The following MMP15 variants were observed in gnomAD, a reference collection of about 807,000 sequenced individuals.
The protein encoded by MMP15 is matrix metallopeptidase 15.
In MMP15, 36 loss-of-function variants were observed where a neutral mutation model predicts 65.0. That is an observed-to-expected ratio of 0.55 (90% CI 0.42 to 0.73). The LOEUF (loss-of-function observed/expected upper bound fraction) is 0.73, where lower values mean the gene tolerates loss of function less well. MMP15 is among the 30% of genes least tolerant of loss of function. The pLI, the probability that MMP15 is intolerant of heterozygous loss-of-function variation, is 0.00. For synonymous variants in MMP15, 428 were observed against 410.2 expected (o/e 1.04, Z -0.52); for missense variants, 870 against 987.8 (o/e 0.88, Z 1.60).
chr16:58,029,104 C>T (rs1597061365), intron 1 of MMP15, among the ~76,000 whole-genome samples: 1 of 152,348 alleles, frequency 6.6e-6, no homozygotes, highest in South Asian at 2.1e-4. Context: ...GTGCCACCAC[C>T]ACCAAAACCG....
Position 58,041,684 on chromosome 16 carries a change from G to T in MMP15, c.978G>T (p.Arg326=). The T allele has an allele frequency of 1.9e-6, 3 of 1,579,134 alleles. No homozygotes were observed. The highest frequency in any genetic ancestry group is 2.6e-6 in the Non-Finnish European group (3 of 1,162,926). Residue 326 remains arginine, a synonymous_variant, in exon 6 of 10, where the codon CGG becomes CGT. Transcript: ENST00000219271. ...LPTVTPRRPG[R]PDHRPPRPPQ... ...CTGTGACGCCACGGCGGCCAGGCCG[G>T]CCTGACCACCGGCCGCCCCGGCCTC... is the stretch of plus-strand genomic sequence containing the variant.
At chr16:58,031,473 G>C (rs953585105) in intron 1 of MMP15, among the ~76,000 whole-genome samples, 2 of 152,170 alleles carry the variant, frequency 1.3e-5, no homozygotes, top group Non-Finnish European at 2.9e-5. Flanking sequence ...CACCTGCAGG[G>C]AGGTTTCCAG....
At chr16:58,029,409 T>C (rs1450319357) in intron 1 of MMP15, among the ~76,000 whole-genome samples, 3 of 152,218 alleles carry the variant, frequency 2.0e-5, no homozygotes, top group Non-Finnish European at 4.4e-5. Flanking sequence ...GCCTTGTCAT[T>C]GGGAATCTGC....
intron 2 of MMP15, 51 bp from the exon 3 acceptor site, chr16:58,038,215 A>G (rs1045428517): frequency 2.5e-6 from 4 of 1,599,738 alleles, no homozygotes; most frequent in Non-Finnish European, 3.4e-6. Flanking sequence ...CAGAACAGGC[A>G]GGTGTGTGGA....
chr16:58,035,283 A>G (rs1192857210), intron 1 of MMP15, among the ~76,000 whole-genome samples: 1 of 152,204 alleles, frequency 6.6e-6, no homozygotes, highest in East Asian at 1.9e-4. Flanking sequence ...CCAGTATCTT[A>G]TTGAGCTGTG....
chr16:58,033,072 C>T (rs1483659693), intron 1 of MMP15, among the ~76,000 whole-genome samples: 1 of 152,222 alleles, frequency 6.6e-6, no homozygotes, highest in Non-Finnish European at 1.5e-5. Context: ...CCCACTCCCC[C>T]ACCGTGGCGG....
At chr16:58,030,582 C>T (rs1043202552) in intron 1 of MMP15, among the ~76,000 whole-genome samples, 13 of 152,202 alleles carry the variant, frequency 8.5e-5, no homozygotes, top group African/African-American at 2.4e-4. Context: ...CTGCTGCCAT[C>T]GGCCGATGGT....
intron 1 of MMP15, among the ~76,000 whole-genome samples, chr16:58,028,554 G>A (rs41446445): frequency 6.6e-6 from 1 of 152,298 alleles, no homozygotes; most frequent in Non-Finnish European, 1.5e-5. Flanking sequence ...GGGGGCTGTG[G>A]CCTCAGACTC....
chr16:58,040,306 A>C lies in MMP15; in HGVS notation c.748+124A>C, dbSNP rs2304488. 4 of 1,092,990 alleles carry C rather than the reference A, an allele frequency of 3.7e-6. No homozygotes were observed. In the African/African-American group the frequency reaches 4.7e-5, roughly 13 times the overall value. The allele number at this position is 1,092,990 out of a possible 1,614,324, so 67.7% of individuals were successfully genotyped here. ...AGAGAGTTCCCCTGTGTTTGTCTCC[A>C]GATCACTACACTCAATTTCAGTCTG... On this transcript the variant is annotated intron_variant, in intron 4 of 9. Transcript: ENST00000219271.
chr16:58,028,627 C>T (rs1213580643), intron 1 of MMP15, among the ~76,000 whole-genome samples: 1 of 152,194 alleles, frequency 6.6e-6, no homozygotes, highest in African/African-American at 2.4e-5. Flanking sequence ...CTCTCTCATC[C>T]TCACCCCAGC....
At chr16:58,039,849 C>G in intron 3 of MMP15, 26 bp from the exon 4 acceptor site, 1 of 1,572,286 alleles carries the variant, frequency 6.4e-7, no homozygotes, top group African/African-American at 1.3e-5. Flanking sequence ...CCTGCATCCG[C>G]TCACTCATCT....
Position 58,045,329 on chromosome 16 carries a change from G to A in MMP15, c.1893G>A (p.Val631=), listed in dbSNP as rs770865611. ...CGGTGAACGTGGTGATGGTGCTGGT[G>A]CCACTGCTGCTGCTGCTCTGCGTCC... ...ARTVNVVMVL[V]PLLLLLCVLG... The change falls in exon 10 of 10, where the codon GTG becomes GTA. Residue 631 remains valine (V), a synonymous_variant. Coordinates refer to ENST00000219271, the MANE Select transcript of MMP15 (RefSeq NM_002428.4). 6.2e-7 allele frequency: 1 copy of A among 1,608,316 alleles called. No individual in the cohort carries two copies. The highest frequency in any genetic ancestry group is 8.5e-7 in the Non-Finnish European group (1 of 1,178,672).
In MMP15 at chr16:58,045,359, C is replaced by G. The variant is rs764173885; in HGVS notation, c.1923C>G (p.Gly641=). 1 of 1,600,362 alleles carries G rather than the reference C, an allele frequency of 6.2e-7. No homozygotes were observed. Among genetic ancestry groups the G allele is most frequent in the African/African-American group, 1.3e-5 (1 of 74,800 alleles). Reference sequence around the variant, plus strand: ...TGCTGCTGCTGCTCTGCGTCCTGGGCCTCACCTACGCGCTGGTGCAGATGC... The same window carrying G: ...TGCTGCTGCTGCTCTGCGTCCTGGGGCTCACCTACGCGCTGGTGCAGATGC... ...VPLLLLLCVL[G]LTYALVQMQR... Residue 641 remains glycine (G), a synonymous_variant, in exon 10 of 10, where the codon GGC becomes GGG. Coordinates refer to ENST00000219271, the MANE Select transcript of MMP15 (RefSeq NM_002428.4).
At chr16:58,040,771 G>T in intron 5 of MMP15, 73 bp downstream of exon 5, 1 of 1,597,426 alleles carries the variant, frequency 6.3e-7, no homozygotes, top group Non-Finnish European at 8.6e-7. Flanking sequence ...AGGCATTGCT[G>T]CCATCCCCAT....
intron 5 of MMP15, 173 bp downstream of exon 5, chr16:58,040,871 A>G: frequency 9.8e-7 from 1 of 1,020,944 alleles, no homozygotes; most frequent in Non-Finnish European, 1.5e-6. Flanking sequence ...AATGAAACCC[A>G]GGGCAGGCTG....
At chr16:58,029,394 G>A (rs1963866624) in intron 1 of MMP15, among the ~76,000 whole-genome samples, 1 of 152,228 alleles carries the variant, frequency 6.6e-6, no homozygotes, top group Non-Finnish European at 1.5e-5. Context: ...GGAGTTAATA[G>A]CGGGGCCTTG....
At chr16:58,037,450 C>T (rs775841617) in intron 1 of MMP15, 22 bp from the exon 2 acceptor site, 2 of 1,611,266 alleles carry the variant, frequency 1.2e-6, no homozygotes, top group Non-Finnish European at 1.7e-6. Flanking sequence ...GACCTGCTGA[C>T]AGAGTTGCGG....
At position 58,041,846 on chromosome 16, in the gene MMP15, T is replaced by G; in HGVS notation, c.1140T>G (p.Leu380=). 1 of 1,601,006 alleles carries G rather than the reference T, an allele frequency of 6.2e-7. No homozygotes were observed. Among genetic ancestry groups the G allele is most frequent in the Non-Finnish European group, 8.5e-7 (1 of 1,174,740 alleles). The change falls in exon 6 of 10, where the codon CTT becomes CTG. Residue 380 remains leucine, a synonymous_variant. Transcript: ENST00000219271. ...GGGACTTTGACACAGTGGCCATGCTTCGCGGGGAGATGTTCGTGTTCAAGG... is the reference window on the plus strand; with the variant it reads ...GGGACTTTGACACAGTGGCCATGCTGCGCGGGGAGATGTTCGTGTTCAAGG... ...CDGDFDTVAM[L]RGEMFVFKGR...
Position 58,039,862 on chromosome 16 carries a change from C to T in MMP15, c.441-13C>T, listed in dbSNP as rs763168978. ...GCCCTGCATCCGCTCACTCATCTCC[C>T]ACCCACCCCCAGCATCCAGAACTAC... On this transcript the variant is annotated splice_polypyrimidine_tract_variant and intron_variant, in intron 3 of 9. Coordinates refer to ENST00000219271, the MANE Select transcript of MMP15 (RefSeq NM_002428.4). 1.4e-5 allele frequency: 22 copies of T among 1,583,756 alleles called. No homozygotes were observed. Among genetic ancestry groups the T allele is most frequent in the Non-Finnish European group, 1.9e-5 (22 of 1,160,156 alleles).
Sources: gnomAD v4.1 joint callset for allele counts (sites outside exome capture counted in the v4.1 genomes callset) on GRCh38, gnomAD v4.1.1 for gene constraint, MANE v1.5 for transcripts, NCBI Gene and HGNC (gene_info 2026-07-23, HGNC 2026-07-21) for gene names.